The following DPP6 variants were observed in gnomAD, a reference collection of about 807,000 sequenced individuals.
DPP6 encodes A-type potassium channel modulatory protein DPP6.
A neutral mutation model predicts 122.6 loss-of-function variants in DPP6; 69 were observed. The ratio of observed to expected loss-of-function variants is 0.56; its 90% CI spans 0.46 to 0.69. The LOEUF is 0.69. Among genes scored for constraint, DPP6 ranks in the 30% least tolerant of loss-of-function variants. The pLI, the probability that DPP6 is intolerant of heterozygous loss-of-function variation, is 0.00. For synonymous variants in DPP6, 418 were observed against 433.1 expected (o/e 0.97, Z 0.43); for missense variants, 928 against 1,116.9 (o/e 0.83, Z 2.41).
intron 1 of DPP6, among the ~76,000 whole-genome samples, chr7:153,890,201 C>T (rs372813014): frequency 1.4e-4 from 22 of 152,242 alleles, no homozygotes; most frequent in African/African-American, 5.3e-4. Context: ...TAACAGTGAA[C>T]CCACATACAC....
intron 5 of DPP6, among the ~76,000 whole-genome samples, chr7:154,621,804 C>T (rs959688358): frequency 5.3e-5 from 8 of 152,150 alleles, no homozygotes; most frequent in African/African-American, 1.2e-4. Flanking sequence ...CCTCCCTGCC[C>T]ACCTCAAGTC....
chr7:154,748,856 T>A (rs1843166090), intron 8 of DPP6, among the ~76,000 whole-genome samples: 1 of 151,724 alleles, frequency 6.6e-6, no homozygotes, highest in Non-Finnish European at 1.5e-5. Flanking sequence ...CTAGGGAGGG[T>A]GGAGGCCCAG....
At chr7:154,728,549 T>C (rs1398472671) in intron 8 of DPP6, among the ~76,000 whole-genome samples, 1 of 152,240 alleles carries the variant, frequency 6.6e-6, no homozygotes, top group Admixed American at 6.5e-5. Context: ...TTGATTGCTA[T>C]TAGCTGTCAG....
chr7:154,665,304 A>G (rs1018895624), intron 6 of DPP6, among the ~76,000 whole-genome samples: 4 of 152,170 alleles, frequency 2.6e-5, no homozygotes, highest in Non-Finnish European at 5.9e-5. Context: ...CCAGGTTTCC[A>G]CTGTAAATTT....
chr7:154,620,239 G>A lies in DPP6; in HGVS notation c.628-17582G>A, dbSNP rs563943427. ...GAATTTAGCACCCAGTGTAAATATG[G>A]AAAGATTCTTTCTTAAATGTTCAGT... On this transcript the variant is annotated intron_variant, in intron 5 of 25. Transcript: ENST00000377770. Among the ~76,000 whole-genome samples, 185 of 152,182 alleles carry A rather than the reference G, an allele frequency of 1.2e-3. 2 individuals carry two copies. Among genetic ancestry groups the A allele is most frequent in the Non-Finnish European group, 1.8e-3 (123 of 68,034 alleles).
At chr7:154,883,752 C>T (rs557487499) in intron 21 of DPP6, 2 of 150,236 alleles carry the variant, frequency 1.3e-5, no homozygotes, top group South Asian at 2.1e-4. Flanking sequence ...AACACGACTA[C>T]ATACACCTAC....
chr7:154,564,591 A>G (rs1491836), intron 4 of DPP6, among the ~76,000 whole-genome samples: 39,903 of 152,122 alleles, frequency 0.26, 5,608 homozygotes, highest in Admixed American at 0.36. Context: ...TATCTATTCT[A>G]TACAAAAATG....
rs764618120 is a variant in DPP6 at position 154,876,074 on chromosome 7, G to A, written c.2052G>A (p.Glu684=). 8 of 1,606,276 alleles carry A rather than the reference G, an allele frequency of 5.0e-6. No homozygotes were observed. Among genetic ancestry groups the A allele is most frequent in the South Asian group, 1.1e-5 (1 of 90,338 alleles). ...HEVRRRLGLL[E]EKDQMEAVRT... is the part of the protein sequence containing the mutation. ...TGAGGCGGCGGCTGGGCTTGCTGGAGGAGAAGGACCAGATGGAGGCCGTGC... is the reference window on the plus strand; with the variant it reads ...TGAGGCGGCGGCTGGGCTTGCTGGAAGAGAAGGACCAGATGGAGGCCGTGC... The change falls in exon 20 of 26, where the codon GAG becomes GAA. Residue 684 remains glutamate, a synonymous_variant. Transcript: ENST00000377770.
At chr7:154,136,831 A>G (rs2150649554) in intron 1 of DPP6, among the ~76,000 whole-genome samples, 1 of 152,384 alleles carries the variant, frequency 6.6e-6, no homozygotes, top group South Asian at 2.1e-4. Context: ...TGCCTGATAG[A>G]AGGATATTTG....
chr7:154,123,387 A>G (rs527510809), intron 1 of DPP6, among the ~76,000 whole-genome samples: 8 of 152,204 alleles, frequency 5.3e-5, no homozygotes, highest in Non-Finnish European at 1.2e-4. Flanking sequence ...CATTTGTTCC[A>G]CATTTACATG....
intron 1 of DPP6, among the ~76,000 whole-genome samples, chr7:154,220,912 G>T (rs1286549722): frequency 6.6e-6 from 1 of 152,100 alleles, no homozygotes; most frequent in African/African-American, 2.4e-5. Flanking sequence ...AGTGGGTTTT[G>T]GGGGGCTGCT....
At chr7:153,855,480 CT>C in the DPP6 span, among the ~76,000 whole-genome samples, 1 of 152,160 alleles carries the variant, frequency 6.6e-6, no homozygotes, top group Admixed American at 6.5e-5. Context: ...TTTCCCCCTA[CT>C]TTTTACTGTT....
chr7:154,017,612 A>G (rs560780279), intron 1 of DPP6, among the ~76,000 whole-genome samples: 73 of 151,294 alleles, frequency 4.8e-4, no homozygotes, highest in African/African-American at 1.8e-3. Flanking sequence ...AGGCATGAAG[A>G]TTGCTTGAGC....
At chr7:154,668,807 A>G (rs977482509) in intron 6 of DPP6, among the ~76,000 whole-genome samples, 2 of 152,164 alleles carry the variant, frequency 1.3e-5, no homozygotes, top group African/African-American at 4.8e-5. Context: ...TAATCAGTAC[A>G]TTAAGGATAA....
the DPP6 span, among the ~76,000 whole-genome samples, chr7:153,864,380 C>T: frequency 3.9e-5 from 6 of 152,056 alleles, no homozygotes; most frequent in South Asian, 4.2e-4. Flanking sequence ...TGGGGCCGGG[C>T]GTGGTGGCTC....
At chr7:154,135,830 T>C (rs1413280336) in intron 1 of DPP6, among the ~76,000 whole-genome samples, 3 of 151,640 alleles carry the variant, frequency 2.0e-5, no homozygotes, top group Admixed American at 2.0e-4. Flanking sequence ...TCTGTGCACT[T>C]CCTGTGAGTA....
At chr7:154,537,074 A>G (rs1243175181) in intron 3 of DPP6, among the ~76,000 whole-genome samples, 1 of 152,194 alleles carries the variant, frequency 6.6e-6, no homozygotes, top group Non-Finnish European at 1.5e-5. Context: ...TTTTTACTAT[A>G]TTAATAATTT....
At chr7:154,010,028 A>G (rs879820681) in intron 1 of DPP6, among the ~76,000 whole-genome samples, 3 of 152,208 alleles carry the variant, frequency 2.0e-5, no homozygotes, top group African/African-American at 4.8e-5. Context: ...ATGCCCAGCT[A>G]GGAGGGAGTC....
At chr7:154,522,343 C>T (rs960406850) in intron 3 of DPP6, among the ~76,000 whole-genome samples, 6 of 152,244 alleles carry the variant, frequency 3.9e-5, no homozygotes, top group Admixed American at 6.5e-5. Flanking sequence ...TATCCCGCCA[C>T]GTATGTTAAA....
Sources: allele counts gnomAD v4.1 joint callset (sites outside exome capture counted in the v4.1 genomes callset), GRCh38; gene constraint gnomAD v4.1.1; transcripts MANE v1.5; gene names NCBI Gene and HGNC (gene_info 2026-07-23, HGNC 2026-07-21).